The following AP3D1 variants were observed in gnomAD, a reference collection of about 807,000 sequenced individuals.
AP3D1 encodes AP-3 complex subunit delta-1.
In AP3D1, 51 loss-of-function variants were observed where a neutral mutation model predicts 147.6. The ratio of observed to expected loss-of-function variants is 0.35; its 90% CI spans 0.28 to 0.44. AP3D1 has a LOEUF of 0.44. Ranked by LOEUF, AP3D1 falls within the 20% of genes least tolerant of loss-of-function variation. AP3D1 has a pLI of 1.00. For missense variants in AP3D1, 1,421 were observed against 1,624.2 expected, an observed-to-expected ratio of 0.87 and a Z score of 2.15; for synonymous variants, 760 against 663.0, an observed-to-expected ratio of 1.15 and a Z score of -2.25.
intron 29 of AP3D1, chr19:2,109,627 C>T: frequency 1.8e-6 from 1 of 544,260 alleles, no homozygotes; most frequent in Non-Finnish European, 3.3e-6. Flanking sequence ...CTCACCCCTC[C>T]AGCCTTCAGG....
chr19:2,159,684 G>A (rs955026740), intron 1 of AP3D1, among the ~76,000 whole-genome samples: 5 of 145,460 alleles, frequency 3.4e-5, no homozygotes, highest in Middle Eastern at 4.0e-3. Flanking sequence ...CACCGTGCCC[G>A]GCCGCCTAGC....
At chr19:2,112,242 AGATGAGTG>A (rs2018303544) in intron 24 of AP3D1, 1 of 236,102 alleles carries the variant, frequency 4.2e-6, no homozygotes, top group Admixed American at 5.1e-5. Context: ...GGCTATCAAC[AGATGAGTG>A]GGTCAGCACA....
rs1260754305 is a variant in AP3D1 at position 2,101,195 on chromosome 19, A to G, written c.*978T>C. The G allele has an allele frequency of 6.6e-6, 1 of 152,596 alleles. No individual in the cohort carries two copies. Among genetic ancestry groups the G allele is most frequent in the Non-Finnish European group, 1.5e-5 (1 of 68,038 alleles). The allele number at this position is 152,596 out of a possible 1,614,324, so 9.5% of individuals were successfully genotyped here. A position where few individuals can be genotyped will look rare whatever the true frequency, so the allele number is the denominator to read the frequency against. ...ACAGTTTTCATCAAAAGGAGAAGAT[A>G]AAATGTCATTATCTCTGAAGAAGGG... On this transcript the variant is annotated 3_prime_UTR_variant, in exon 32 of 32. Coordinates refer to ENST00000643116, the MANE Select transcript of AP3D1 (RefSeq NM_001261826.3).
chr19:2,119,129 G>A (rs2018540439), intron 14 of AP3D1, among the ~76,000 whole-genome samples: 1 of 152,270 alleles, frequency 6.6e-6, no homozygotes, highest in South Asian at 2.1e-4. Flanking sequence ...AGGATAAGCA[G>A]GATGGGCAGG....
chr19:2,150,702 G>A lies in AP3D1; in HGVS notation c.96+537C>T, dbSNP rs1050340307. Among the ~76,000 whole-genome samples the A allele has an allele frequency of 6.6e-5, 10 of 152,230 alleles. 1 individual carries two copies. Among genetic ancestry groups the A allele is most frequent in the Middle Eastern group, 6.3e-3 (2 of 316 alleles). ...GGACACGCATTTACACGACCCAGAA[G>A]GAAGAAGGAGTTTCTCCAGGGACGG... On this transcript the variant is annotated intron_variant, in intron 1 of 31. Coordinates refer to ENST00000643116, the MANE Select transcript of AP3D1 (RefSeq NM_001261826.3).
At chr19:2,143,628 C>T (rs565324008) in intron 1 of AP3D1, among the ~76,000 whole-genome samples, 1 of 151,978 alleles carries the variant, frequency 6.6e-6, no homozygotes, top group Admixed American at 6.6e-5. Flanking sequence ...ATTAGCTGGG[C>T]GTGGTGGCAC....
rs1490620629 is a variant in AP3D1 at position 2,101,751 on chromosome 19, AC to A, written c.*421del. 1 of 164,362 alleles carries A rather than the reference AC, an allele frequency of 6.1e-6. No individual in the cohort carries two copies. Among genetic ancestry groups the A allele is most frequent in the African/African-American group, 2.4e-5 (1 of 41,650 alleles). 10.2% of individuals were successfully genotyped at this position (164,362 alleles called of 1,614,324 possible). ...CCCTCCCCCGGACGCAACCGTCAGG[AC>A]CTTTGGGTCAAAAGCAGGCGACCCC... On this transcript the variant is annotated 3_prime_UTR_variant, in exon 32 of 32. Coordinates refer to ENST00000643116, the MANE Select transcript of AP3D1 (RefSeq NM_001261826.3).
intron 31 of AP3D1, 21 bp downstream of exon 31, chr19:2,108,666 G>A: frequency 6.4e-7 from 1 of 1,563,374 alleles, no homozygotes; most frequent in Non-Finnish European, 8.7e-7. Context: ...GCCAGGGTGT[G>A]CACAGCAGCC....
At position 2,121,244 on chromosome 19, in the gene AP3D1, G is replaced by C; in HGVS notation, c.1169C>G (p.Thr390Ser). 1 of 1,614,184 alleles carries C rather than the reference G, an allele frequency of 6.2e-7. No individual in the cohort carries two copies. Among genetic ancestry groups the C allele is most frequent in the Non-Finnish European group, 8.5e-7 (1 of 1,180,002 alleles). Residue 390 changes from threonine (T) to serine (S), a missense_variant, in exon 13 of 32, where the codon ACC becomes AGC. Transcript: ENST00000643116. ...GGTGAGCAGCTCGTCACGGTAGGTG[G>C]TACCCTCTGCCTTGTCTACGTGGGT... is the stretch of plus-strand genomic sequence containing the variant. ...LMTHVDKAEGTTYRDELLTKI... is the reference protein window; with the variant it reads ...LMTHVDKAEGSTYRDELLTKI...
intron 1 of AP3D1, among the ~76,000 whole-genome samples, chr19:2,139,928 G>T (rs899119463): frequency 3.3e-5 from 5 of 151,510 alleles, no homozygotes; most frequent in African/African-American, 1.2e-4. Flanking sequence ...GCTGCCAGCT[G>T]CACCGGGCTG....
Position 2,120,978 on chromosome 19 carries a change from G to A in AP3D1, c.1365C>T (p.Ala455=), listed in dbSNP as rs367906645. 56 of 1,612,044 alleles carry A rather than the reference G, an allele frequency of 3.5e-5. No homozygotes were observed. The highest frequency in any genetic ancestry group is 3.5e-4 in the African/African-American group (26 of 74,940). The change falls in exon 14 of 32, where the codon GCC becomes GCT. Residue 455 remains alanine, a synonymous_variant. Transcript: ENST00000643116. ...AIRVKAIRKF[A]VSQMSALLDS... The stretch of plus-strand genomic sequence containing the variant: ...CAAGCAGCGCAGACATCTGGGACAC[G>A]GCGAACTTGCGGATGGCCTTCACGC...
intron 9 of AP3D1, among the ~76,000 whole-genome samples, chr19:2,124,568 TGTGTGC>T (rs761116957): frequency 6.6e-6 from 1 of 152,118 alleles, no homozygotes; most frequent in African/African-American, 2.4e-5. Flanking sequence ...CAGGAGACCG[TGTGTGC>T]GTGTGCGTGT....
intron 31 of AP3D1, among the ~76,000 whole-genome samples, chr19:2,103,905 C>A (rs1000514860): frequency 1.3e-5 from 2 of 152,148 alleles, no homozygotes; most frequent in African/African-American, 4.8e-5. Context: ...CGGTAGACCC[C>A]AATGCCAAGA....
chr19:2,129,571 T>C (rs960621395), intron 6 of AP3D1, 114 bp from the exon 7 acceptor site: 20 of 1,320,046 alleles, frequency 1.5e-5, no homozygotes, highest in Middle Eastern at 1.9e-4. Context: ...CCACTGAACA[T>C]GGCCCTGGCT....
Position 2,123,930 on chromosome 19 carries a change from G to A in AP3D1, c.857-51C>T, listed in dbSNP as rs368965883. On this transcript the variant is annotated intron_variant, in intron 9 of 31. Transcript: ENST00000643116. Reference sequence around the variant, plus strand: ...CACGGTCAGCACCATGGCCAGCGCCGACACCAACTCAGGGCCACGGGGCAC... The same window carrying A: ...CACGGTCAGCACCATGGCCAGCGCCAACACCAACTCAGGGCCACGGGGCAC... 2.4e-5 allele frequency: 37 copies of A among 1,548,634 alleles called. No homozygotes were observed. The East Asian group carries it at 3.4e-4, about 14-fold the overall frequency.
chr19:2,157,075 C>G (rs2019651242), intron 1 of AP3D1, among the ~76,000 whole-genome samples: 1 of 151,434 alleles, frequency 6.6e-6, no homozygotes, highest in Non-Finnish European at 1.5e-5. Context: ...ATCCACCCAT[C>G]CATCTATCGA....
chr19:2,127,254 G>A, intron 8 of AP3D1, 53 bp from the exon 9 acceptor site: 7 of 1,592,468 alleles, frequency 4.4e-6, no homozygotes, highest in East Asian at 2.2e-5. Flanking sequence ...CTCGTCAGAT[G>A]CAGTGACCCA....
rs548245862 is a variant in AP3D1 at position 2,148,028 on chromosome 19, G to A, written c.96+3211C>T. ...CTACTAAAAATACAAAAAATTAGAC[G>A]GGCGTGGTGGCGGGAGGCTGAGGCA... On this transcript the variant is annotated intron_variant, in intron 1 of 31. Coordinates refer to ENST00000643116, the MANE Select transcript of AP3D1 (RefSeq NM_001261826.3). 3.4e-4 allele frequency among the ~76,000 whole-genome samples: 51 copies of A among 151,492 alleles called. 1 individual carries two copies. Among genetic ancestry groups the A allele is most frequent in the African/African-American group, 1.0e-3 (43 of 41,248 alleles).
At chr19:2,104,947 CCA>C (rs1443654481) in intron 31 of AP3D1, among the ~76,000 whole-genome samples, 2 of 152,044 alleles carry the variant, frequency 1.3e-5, no homozygotes, top group Non-Finnish European at 2.9e-5. Flanking sequence ...GTAGCTGGGA[CCA>C]CAGTCACACA....
Sources: allele counts gnomAD v4.1 joint callset (sites outside exome capture counted in the v4.1 genomes callset), GRCh38; gene constraint gnomAD v4.1.1; transcripts MANE v1.5; gene names NCBI Gene and HGNC (gene_info 2026-07-23, HGNC 2026-07-21).